Variants in UNC13C observed in about 807,000 individuals in gnomAD.
UNC13C encodes the protein protein unc-13 homolog C.
A neutral mutation model predicts 245.4 loss-of-function variants in UNC13C; 174 were observed. The observed-to-expected ratio is 0.71, with a 90% CI of 0.63 to 0.80. The LOEUF (loss-of-function observed/expected upper bound fraction) is 0.80, where lower values mean the gene tolerates loss of function less well. UNC13C is among the 30% of genes least tolerant of loss of function. The probability of loss-of-function intolerance (pLI) is 0.00; values close to 1 mark genes in which losing one functional copy is unlikely to be tolerated. For synonymous variants in UNC13C, 992 were observed against 895.1 expected, an observed-to-expected ratio of 1.11 and a Z score of -1.93; for missense variants, 2,829 against 2,602.9, an observed-to-expected ratio of 1.09 and a Z score of -1.89.
chr15:54,472,818 GCTCT>G (rs1040322774), intron 19 of UNC13C, among the ~76,000 whole-genome samples: 16 of 151,688 alleles, frequency 1.1e-4, no homozygotes, highest in African/African-American at 3.9e-4. Flanking sequence ...TGCTTTCAAG[GCTCT>G]CTTTTTGTTT....
At chr15:54,614,800 T>C (rs2141295969) in intron 30 of UNC13C, among the ~76,000 whole-genome samples, 1 of 152,148 alleles carries the variant, frequency 6.6e-6, no homozygotes, top group East Asian at 1.9e-4. Context: ...TCCAGATATA[T>C]GCTGGTATAG....
intron 20 of UNC13C, among the ~76,000 whole-genome samples, chr15:54,498,450 T>G (rs1376220298): frequency 6.6e-6 from 1 of 152,008 alleles, no homozygotes; most frequent in Non-Finnish European, 1.5e-5. Context: ...AAAGAAATCA[T>G]GGTAAAAATT....
At chr15:54,356,976 G>A (rs1470883844) in intron 17 of UNC13C, among the ~76,000 whole-genome samples, 2 of 152,044 alleles carry the variant, frequency 1.3e-5, no homozygotes, top group South Asian at 2.1e-4. Flanking sequence ...CTATTTTAAG[G>A]AAATTGCACT....
intron 30 of UNC13C, among the ~76,000 whole-genome samples, chr15:54,595,900 CTAGT>C (rs1899053472): frequency 6.6e-6 from 1 of 152,016 alleles, no homozygotes; most frequent in Admixed American, 6.6e-5. Context: ...ATTCATTATA[CTAGT>C]TACTCAATCT....
chr15:54,282,795 A>T (rs2037033033), intron 10 of UNC13C, among the ~76,000 whole-genome samples: 1 of 152,112 alleles, frequency 6.6e-6, no homozygotes, highest in Non-Finnish European at 1.5e-5. Flanking sequence ...CTATTGAGTG[A>T]TGAAAACAGC....
At chr15:54,047,300 C>A (rs1263214651) in intron 2 of UNC13C, among the ~76,000 whole-genome samples, 1 of 151,912 alleles carries the variant, frequency 6.6e-6, no homozygotes, top group Non-Finnish European at 1.5e-5. Context: ...TTTATGGGTA[C>A]AATTCAGTGG....
intron 17 of UNC13C, among the ~76,000 whole-genome samples, chr15:54,350,000 T>A (rs1385770762): frequency 6.6e-6 from 1 of 152,172 alleles, no homozygotes; most frequent in Non-Finnish European, 1.5e-5. Context: ...TTCCTTTTTT[T>A]TTTTTGAGAC....
intron 2 of UNC13C, among the ~76,000 whole-genome samples, chr15:54,045,721 A>T (rs1897009252): frequency 6.6e-6 from 1 of 152,226 alleles, no homozygotes; most frequent in South Asian, 2.1e-4. Flanking sequence ...TTATTTTAGT[A>T]AATAAATAAT....
intron 2 of UNC13C, among the ~76,000 whole-genome samples, chr15:54,027,628 C>A (rs112145666): frequency 1.3e-5 from 2 of 152,136 alleles, no homozygotes; most frequent in South Asian, 4.1e-4. Context: ...GCCTCTGCCT[C>A]CCCAAGTGCT....
At chr15:53,972,573 C>T in the UNC13C span, 3 of 152,132 alleles carry the variant, frequency 2.0e-5, no homozygotes, top group Admixed American at 6.6e-5. Context: ...ATTAAAATAT[C>T]TCTAGTACCA....
chr15:53,851,126 C>A, the UNC13C span, among the ~76,000 whole-genome samples: 1 of 151,748 alleles, frequency 6.6e-6, no homozygotes, highest in African/African-American at 2.4e-5. Context: ...GTTTTAATAT[C>A]CCTTGTTATT....
the UNC13C span, among the ~76,000 whole-genome samples, chr15:53,926,356 C>G: frequency 6.6e-6 from 1 of 152,098 alleles, no homozygotes; most frequent in Non-Finnish European, 1.5e-5. Context: ...TTTGAAACCT[C>G]AGTTCTCTCA....
intron 8 of UNC13C, among the ~76,000 whole-genome samples, chr15:54,260,715 A>AATATATATATAACTTTATATATGTTTT (rs2036402275): frequency 3.4e-5 from 5 of 148,282 alleles, no homozygotes; most frequent in East Asian, 2.0e-4. Flanking sequence ...ATATAATCAA[A>AATATATATATAACTTTATATATGTTTT]ATATATATAT....
the UNC13C span, among the ~76,000 whole-genome samples, chr15:53,926,320 C>T: frequency 2.0e-5 from 3 of 152,232 alleles, no homozygotes; most frequent in Admixed American, 6.5e-5. Context: ...ATAATGGCTG[C>T]ATGATCCTAG....
rs187184970 is a variant in UNC13C at position 54,160,597 on chromosome 15, T to C, written c.3071+16913T>C. On this transcript the variant is annotated intron_variant, in intron 4 of 32. Coordinates refer to ENST00000260323, the MANE Select transcript of UNC13C (RefSeq NM_001080534.3). ...TCAAATCTGGTATAAGACTCTGATG[T>C]CTGGAATAAAGTTCTTGCTAAATAG... Among the ~76,000 whole-genome samples the C allele has an allele frequency of 1.6e-3, 249 of 152,184 alleles. 1 individual carries two copies. The highest frequency in any genetic ancestry group is 3.0e-3 in the Non-Finnish European group (205 of 68,006).
At chr15:53,968,937 TC>T in the UNC13C span, among the ~76,000 whole-genome samples, 7,154 of 152,326 alleles carry the variant, frequency 0.047, 273 homozygotes, top group African/African-American at 0.1. Flanking sequence ...CTCTGCAGTT[TC>T]CTACAATCCC....
chr15:54,292,102 A>C (rs998626444), intron 10 of UNC13C, among the ~76,000 whole-genome samples: 4 of 152,006 alleles, frequency 2.6e-5, no homozygotes, highest in Admixed American at 2.0e-4. Context: ...TAATTTTTCA[A>C]AATGGAAAGG....
intron 1 of UNC13C, among the ~76,000 whole-genome samples, chr15:53,980,824 A>T (rs574853327): frequency 6.6e-6 from 1 of 152,316 alleles, no homozygotes; most frequent in Admixed American, 6.5e-5. Context: ...CTTATTGTTA[A>T]TAAAGTAAAC....
At chr15:53,871,058 G>A in the UNC13C span, among the ~76,000 whole-genome samples, 3 of 152,108 alleles carry the variant, frequency 2.0e-5, no homozygotes, top group Non-Finnish European at 4.4e-5. Context: ...TTCTCATTTA[G>A]TCTCCAAAAT....
Sources: gnomAD v4.1 joint callset for allele counts (sites outside exome capture counted in the v4.1 genomes callset) on GRCh38, gnomAD v4.1.1 for gene constraint, MANE v1.5 for transcripts, NCBI Gene and HGNC (gene_info 2026-07-23, HGNC 2026-07-21) for gene names.